The following TCF20 variants were observed in gnomAD, a reference collection of about 807,000 sequenced individuals.
TCF20 encodes the protein transcription factor 20, also known as SPRE-binding protein.
In TCF20, 3 loss-of-function variants were observed where a neutral mutation model predicts 148.6. The observed-to-expected ratio is 0.02, with a 90% CI of 0.01 to 0.05. The LOEUF (loss-of-function observed/expected upper bound fraction) is 0.05, where lower values mean the gene tolerates loss of function less well. TCF20 is among the 10% of genes least tolerant of loss of function. TCF20 has a pLI of 1.00. For synonymous variants in TCF20, 1,049 were observed against 909.5 expected (o/e 1.15, Z -2.76); for missense variants, 2,350 against 2,429.3 (o/e 0.97, Z 0.69).
rs893749203 is a variant in TCF20 at position 42,290,708 on chromosome 22, G to A, written c.-37+52771C>T. The stretch of plus-strand genomic sequence containing the variant: ...TGGGCCTGCCCCTTCAGCGTTGGTC[G>A]CTGGGCTAACACTAGGCCTGGGGAT... On this transcript the variant is annotated intron_variant, in intron 1 of 1. Coordinates refer to the TCF20 transcript ENST00000515426. The surrounding 1 kb of genome is among the most constrained non-coding windows in gnomAD (Gnocchi z 4.2). 6.6e-6 allele frequency among the ~76,000 whole-genome samples: 1 copy of A among 152,228 alleles called. No homozygotes were observed. Among genetic ancestry groups the A allele is most frequent in the African/African-American group, 2.4e-5 (1 of 41,444 alleles).
intron 1 of TCF20, among the ~76,000 whole-genome samples, chr22:42,300,395 A>G (rs1023498565): frequency 2.0e-5 from 3 of 152,170 alleles, no homozygotes; most frequent in African/African-American, 7.2e-5. Flanking sequence ...AAACTAAAAA[A>G]AAAAAGAAAA....
At chr22:42,294,494 C>T (rs960448539) in intron 1 of TCF20, among the ~76,000 whole-genome samples, 1 of 152,136 alleles carries the variant, frequency 6.6e-6, no homozygotes, top group Non-Finnish European at 1.5e-5. Flanking sequence ...CACTGGCAGG[C>T]AGTGCTCCCA....
chr22:42,323,131 C>T (rs368847490), intron 1 of TCF20, among the ~76,000 whole-genome samples: 1 of 151,688 alleles, frequency 6.6e-6, no homozygotes, highest in East Asian at 1.9e-4. Flanking sequence ...GTCTCAAACT[C>T]CCAACCTCAG....
intron 1 of TCF20, among the ~76,000 whole-genome samples, chr22:42,282,372 C>T (rs901559313): frequency 6.6e-6 from 1 of 152,244 alleles, no homozygotes; most frequent in Non-Finnish European, 1.5e-5. Context: ...TGTACCATGG[C>T]CGCTTCCTGG....
intron 1 of TCF20, among the ~76,000 whole-genome samples, chr22:42,246,581 T>C (rs1031839533): frequency 1.2e-4 from 19 of 152,250 alleles, no homozygotes; most frequent in Non-Finnish European, 2.5e-4. Context: ...TGCTTGTTCA[T>C]GTGTTCAATG....
At chr22:42,171,626 G>A (rs1936137327) in intron 3 of TCF20, among the ~76,000 whole-genome samples, 3 of 152,174 alleles carry the variant, frequency 2.0e-5, no homozygotes, top group Non-Finnish European at 4.4e-5. Context: ...TAAATGAAAT[G>A]TGTTAATTTA....
intron 2 of TCF20, among the ~76,000 whole-genome samples, chr22:42,192,554 G>A (rs146656690): frequency 3.3e-5 from 5 of 152,240 alleles, no homozygotes; most frequent in African/African-American, 9.6e-5. Context: ...GACACTGGAG[G>A]CTCAGGAAAT....
At chr22:42,327,081 G>A (rs754655890) in intron 1 of TCF20, among the ~76,000 whole-genome samples, 17 of 152,214 alleles carry the variant, frequency 1.1e-4, no homozygotes, top group South Asian at 4.1e-4. Context: ...TAACCCTCGC[G>A]GCAACGATGA....
chr22:42,242,501 A>G (rs569271064), intron 1 of TCF20, among the ~76,000 whole-genome samples: 11 of 152,282 alleles, frequency 7.2e-5, no homozygotes, highest in Admixed American at 2.0e-4. Context: ...AGGGGTTATC[A>G]TAGGGTATAC....
intron 1 of TCF20, among the ~76,000 whole-genome samples, chr22:42,342,253 G>A (rs563382370): frequency 2.6e-5 from 4 of 152,266 alleles, no homozygotes; most frequent in South Asian, 2.1e-4. Context: ...AGGAGGGGCC[G>A]GTACGTCCAG....
At chr22:42,285,903 G>C (rs1353869979), upstream of TCF20, among the ~76,000 whole-genome samples, 1 of 152,116 alleles carries the variant, frequency 6.6e-6, no homozygotes, top group African/African-American at 2.4e-5. This position sits in a 1 kb window ranked among gnomAD's most constrained non-coding sequence, Gnocchi z 4.2. Flanking sequence ...TGAGAAGCCT[G>C]ACCCCCAAGT....
chr22:42,262,633 C>G (rs764130352), intron 1 of TCF20, among the ~76,000 whole-genome samples: 2 of 151,792 alleles, frequency 1.3e-5, no homozygotes, highest in Non-Finnish European at 2.9e-5. Flanking sequence ...CAGAGATCAC[C>G]GAGGGAGAAA....
intron 2 of TCF20, among the ~76,000 whole-genome samples, chr22:42,203,639 A>G (rs1437422012): frequency 6.6e-6 from 1 of 152,214 alleles, no homozygotes; most frequent in African/African-American, 2.4e-5. Context: ...AATTAGATAC[A>G]AGTCTCTGCT....
At position 42,213,652 on chromosome 22, in the gene TCF20, C is replaced by T. The variant is rs2147215808; in HGVS notation, c.1654G>A (p.Ala552Thr). The T allele has an allele frequency of 1.2e-6, 2 of 1,614,152 alleles. No individual in the cohort carries two copies. The highest frequency in any genetic ancestry group is 1.7e-6 in the Non-Finnish European group (2 of 1,180,030). ...GGTGAGGAGCCAGCTTTCTCAGAGG[C>T]TCCACCCTTGTAGGTGGTGTCAGAG... Reference protein sequence around the residue: ...TSSDTTYKGGASEKAGSSPAQ... With the variant: ...TSSDTTYKGGTSEKAGSSPAQ... The change falls in exon 2 of 6, where the codon GCC becomes ACC. Residue 552 changes from alanine (A) to threonine (T), a missense_variant. Ala to Thr is a moderately conservative substitution (Grantham distance 58). Coordinates refer to ENST00000677622, the MANE Select transcript of TCF20 (RefSeq NM_001378418.1).
chr22:42,276,209 C>T (rs2147011443), intron 1 of TCF20: 1 of 152,322 alleles, frequency 6.6e-6, no homozygotes, highest in African/African-American at 2.4e-5. Flanking sequence ...ACCGAAGCTT[C>T]CTGCTAAGAA....
intron 1 of TCF20, among the ~76,000 whole-genome samples, chr22:42,305,348 A>G (rs1927413059): frequency 6.6e-6 from 1 of 152,044 alleles, no homozygotes; most frequent in African/African-American, 2.4e-5. Flanking sequence ...GGCCAGAAAC[A>G]TGGGGCCATC....
chr22:42,259,200 C>T (rs779388317), intron 1 of TCF20, among the ~76,000 whole-genome samples: 9 of 152,276 alleles, frequency 5.9e-5, no homozygotes, highest in East Asian at 3.9e-4. Context: ...CTCCCTTAAT[C>T]GCTAGCTTTT....
intron 2 of TCF20, among the ~76,000 whole-genome samples, chr22:42,208,903 G>A (rs1024072557): frequency 2.0e-5 from 3 of 152,136 alleles, no homozygotes; most frequent in Admixed American, 2.0e-4. Context: ...AAATGACCTA[G>A]TCAAGACCTA....
chr22:42,272,143 C>T (rs1446617412), upstream of TCF20, among the ~76,000 whole-genome samples: 3 of 152,252 alleles, frequency 2.0e-5, no homozygotes, highest in Admixed American at 2.0e-4. Context: ...CCAGGCTCTT[C>T]CGGGGCAGAG....
Sources: allele counts gnomAD v4.1 joint callset (sites outside exome capture counted in the v4.1 genomes callset), GRCh38; gene constraint gnomAD v4.1.1; non-coding constraint Gnocchi (gnomAD v3.1); transcripts MANE v1.5; gene names NCBI Gene and HGNC (gene_info 2026-07-23, HGNC 2026-07-21).